Variants in OSBPL6 observed in about 807,000 individuals in gnomAD.
The protein encoded by OSBPL6 is oxysterol-binding protein-related protein 6.
In OSBPL6, 49 loss-of-function variants were observed where a neutral mutation model predicts 125.8. The observed-to-expected ratio is 0.39, with a 90% CI of 0.31 to 0.49. The LOEUF (loss-of-function observed/expected upper bound fraction) is 0.49, where lower values mean the gene tolerates loss of function less well. Among genes scored for constraint, OSBPL6 ranks in the 20% least tolerant of loss-of-function variants. The pLI is 0.88. For synonymous variants in OSBPL6, 394 were observed against 391.8 expected (o/e 1.01, Z -0.07); for missense variants, 986 against 1,135.4 (o/e 0.87, Z 1.89).
intron 2 of OSBPL6, among the ~76,000 whole-genome samples, chr2:178,305,159 A>G (rs1686647542): frequency 6.6e-6 from 1 of 152,120 alleles, no homozygotes; most frequent in Admixed American, 6.5e-5. Context: ...CTAGAATGTG[A>G]CCTTCTTCTT....
At chr2:178,216,107 C>T (rs181312204) in intron 1 of OSBPL6, among the ~76,000 whole-genome samples, 38 of 152,270 alleles carry the variant, frequency 2.5e-4, no homozygotes, top group African/African-American at 9.1e-4. Flanking sequence ...TTCTTTTTTA[C>T]ATCTTTCATC....
rs113483868 is a variant in OSBPL6, at chr2:178,328,140, CCTT to C, written c.196-112_196-110del. The C allele has an allele frequency of 5.3e-3, 7,071 of 1,326,246 alleles. 247 individuals are homozygous for C. In the African/African-American group the frequency reaches 0.085, roughly 16 times the overall value. The allele number at this position is 1,326,246 out of a possible 1,614,324, so 82.2% of individuals were successfully genotyped here. A position where few individuals can be genotyped will look rare whatever the true frequency, so the allele number is the denominator to read the frequency against. On this transcript the variant is annotated intron_variant, in intron 4 of 24. Coordinates refer to ENST00000190611, the MANE Select transcript of OSBPL6 (RefSeq NM_032523.4). ...GAATTTGCTCCGGAATGTTGTTCAT[CCTT>C]CTTTCTGGTGGGCCTAGTACTGCTT...
intron 1 of OSBPL6, among the ~76,000 whole-genome samples, chr2:178,253,594 G>C (rs2154005856): frequency 6.6e-6 from 1 of 152,258 alleles, no homozygotes; most frequent in East Asian, 1.9e-4. Context: ...ATATCATTAT[G>C]CTCATTCTCA....
At chr2:178,273,880 CT>C (rs376155813) in intron 1 of OSBPL6, among the ~76,000 whole-genome samples, 1,766 of 152,234 alleles carry the variant, frequency 0.012, 32 homozygotes, top group African/African-American at 0.041. Flanking sequence ...CATTTCACAG[CT>C]TTTTTCTTGG....
chr2:178,283,093 G>A (rs1188896734), intron 1 of OSBPL6, among the ~76,000 whole-genome samples: 1 of 152,196 alleles, frequency 6.6e-6, no homozygotes, highest in African/African-American at 2.4e-5. Flanking sequence ...ATGGATCTTA[G>A]CCTTAGTATT....
At position 178,339,671 on chromosome 2, in the gene OSBPL6, G is replaced by T; in HGVS notation, c.895-1G>T. 1 of 1,597,222 alleles carries T rather than the reference G, an allele frequency of 6.3e-7. No individual in the cohort carries two copies. The highest frequency in any genetic ancestry group is 8.5e-7 in the Non-Finnish European group (1 of 1,172,976). On this transcript the variant is annotated splice_acceptor_variant, in intron 10 of 24. Coordinates refer to ENST00000190611, the MANE Select transcript of OSBPL6 (RefSeq NM_032523.4). LOFTEE classifies it high-confidence loss of function. ...TGCTTTTAACTATTTGTGTAATGTA[G>T]GCTAACTGTGTAGATATTTCAAAGA...
intron 1 of OSBPL6, among the ~76,000 whole-genome samples, chr2:178,220,773 A>C (rs964300079): frequency 1.3e-5 from 2 of 152,248 alleles, no homozygotes; most frequent in Non-Finnish European, 2.9e-5. Flanking sequence ...TGAGTTGTCT[A>C]TGCAGCCATA....
chr2:178,333,638 A>G (rs373830233), intron 8 of OSBPL6, among the ~76,000 whole-genome samples: 1 of 152,194 alleles, frequency 6.6e-6, no homozygotes, highest in African/African-American at 2.4e-5. Flanking sequence ...GAATACTAGG[A>G]AGTAAGTAAA....
At chr2:178,212,218 G>A (rs74411857) in intron 1 of OSBPL6, among the ~76,000 whole-genome samples, 60,199 of 151,928 alleles carry the variant, frequency 0.4, 12,446 homozygotes, top group African/African-American at 0.51. Context: ...ATGCTAATGG[G>A]GAGGATTAAG....
chr2:178,379,428 AAGAG>A (rs1389387833), intron 15 of OSBPL6, among the ~76,000 whole-genome samples: 7 of 151,262 alleles, frequency 4.6e-5, no homozygotes, highest in East Asian at 1.9e-4. Context: ...AAAGAAAAGA[AAGAG>A]AAAGAAGAGA....
chr2:178,235,382 CT>C (rs1164427690), intron 1 of OSBPL6, among the ~76,000 whole-genome samples: 3 of 122,622 alleles, frequency 2.4e-5, no homozygotes, highest in African/African-American at 2.9e-5. Flanking sequence ...TCTTTCTTTC[CT>C]TTTTCTTTTC....
intron 1 of OSBPL6, among the ~76,000 whole-genome samples, chr2:178,201,046 A>G (rs539284360): frequency 9.9e-5 from 15 of 152,080 alleles, no homozygotes; most frequent in East Asian, 9.7e-4. Flanking sequence ...TGCCCACCTC[A>G]GCCTCCAAAA....
intron 3 of OSBPL6, chr2:178,320,259 C>T (rs983023554): frequency 1.4e-5 from 22 of 1,608,172 alleles, no homozygotes; most frequent in Admixed American, 1.2e-4. Context: ...ACTTGCTGCT[C>T]AGGAGGTATT....
At chr2:178,209,154 C>T (rs373048780) in intron 1 of OSBPL6, among the ~76,000 whole-genome samples, 5 of 152,198 alleles carry the variant, frequency 3.3e-5, no homozygotes, top group South Asian at 2.1e-4. Flanking sequence ...AGATCTGAAA[C>T]ATCTTCATTA....
intron 1 of OSBPL6, among the ~76,000 whole-genome samples, chr2:178,203,064 G>A (rs1559111028): frequency 6.6e-6 from 1 of 152,132 alleles, no homozygotes; most frequent in Non-Finnish European, 1.5e-5. Flanking sequence ...TCCATGTACT[G>A]TATATTAGGC....
At chr2:178,267,562 T>G (rs2092274984) in intron 1 of OSBPL6, among the ~76,000 whole-genome samples, 1 of 151,974 alleles carries the variant, frequency 6.6e-6, no homozygotes, top group Non-Finnish European at 1.5e-5. Context: ...ATTATTCTAG[T>G]AAGTGATTTT....
chr2:178,235,395 T>C (rs1204001659), intron 1 of OSBPL6, among the ~76,000 whole-genome samples: 2 of 126,348 alleles, frequency 1.6e-5, no homozygotes, highest in Non-Finnish European at 3.1e-5. Context: ...TTTCTTTTCT[T>C]TTCTTTTTTT....
chr2:178,355,815 G>A (rs1691728235), intron 12 of OSBPL6, among the ~76,000 whole-genome samples: 1 of 152,262 alleles, frequency 6.6e-6, no homozygotes, highest in South Asian at 2.1e-4. Flanking sequence ...TATCCCTGAT[G>A]AACATCAGTG....
chr2:178,222,575 G>A (rs761885891), intron 1 of OSBPL6, among the ~76,000 whole-genome samples: 26 of 152,134 alleles, frequency 1.7e-4, no homozygotes, highest in African/African-American at 3.9e-4. Context: ...CCCAGGAGGC[G>A]GAGCTTGCAG....
Sources: allele counts gnomAD v4.1 joint callset (sites outside exome capture counted in the v4.1 genomes callset), GRCh38; gene constraint gnomAD v4.1.1; transcripts MANE v1.5; gene names NCBI Gene and HGNC (gene_info 2026-07-23, HGNC 2026-07-21).